ADAMTS12: variants seen among roughly 807,000 people sequenced by gnomAD.
ADAMTS12 encodes the protein ADAM metallopeptidase with thrombospondin type 1 motif 12.
ADAMTS12 carries 118 observed loss-of-function variants against 167.8 expected under a neutral mutation model. The ratio of observed to expected loss-of-function variants is 0.70; its 90% confidence interval spans 0.61 to 0.82. The LOEUF is 0.82. Among genes scored for constraint, ADAMTS12 ranks in the 40% least tolerant of loss-of-function variants. The pLI is 0.00. For synonymous variants in ADAMTS12, 704 were observed against 716.9 expected (o/e 0.98, Z 0.29); for missense variants, 1,916 against 1,998.8 (o/e 0.96, Z 0.79).
At chr5:33,616,140 A>T (rs1739000487) in intron 14 of ADAMTS12, 68 bp from the exon 15 acceptor site, 2 of 1,573,182 alleles carry the variant, frequency 1.3e-6, no homozygotes, top group South Asian at 2.3e-5. Flanking sequence ...TCTGTTTGTG[A>T]CCCACTGTTA....
Position 33,614,429 on chromosome 5 carries a change from C to G in ADAMTS12, c.2389-53G>C. The G allele has an allele frequency of 1.9e-6, 3 of 1,595,390 alleles. No homozygotes were observed. The African/African-American group carries it at 4.0e-5, about 21-fold the overall frequency. On this transcript the variant is annotated intron_variant, in intron 15 of 23. Transcript: ENST00000504830. ...AACTGTCATGACTTTATACCATAAG[C>G]CAGTCATGTAAAAACACCACAAAAT...
chr5:33,789,135 T>C (rs370353359), intron 2 of ADAMTS12, among the ~76,000 whole-genome samples: 22 of 152,226 alleles, frequency 1.4e-4, no homozygotes, highest in African/African-American at 4.8e-4. Context: ...GGAGGTTTCA[T>C]AGGCTGTGGA....
At chr5:33,613,304 T>C (rs1187283793) in intron 16 of ADAMTS12, among the ~76,000 whole-genome samples, 2 of 152,218 alleles carry the variant, frequency 1.3e-5, no homozygotes, top group African/African-American at 2.4e-5. Context: ...AAATGAGTGA[T>C]ATAGCCCCAA....
At chr5:33,722,661 G>A (rs1743845910) in intron 3 of ADAMTS12, among the ~76,000 whole-genome samples, 1 of 152,152 alleles carries the variant, frequency 6.6e-6, no homozygotes, top group African/African-American at 2.4e-5. Context: ...TCTTTAGCTG[G>A]AAGGGTAAAA....
intron 6 of ADAMTS12, among the ~76,000 whole-genome samples, chr5:33,660,278 G>A (rs1440768568): frequency 6.6e-6 from 1 of 152,184 alleles, no homozygotes; most frequent in East Asian, 1.9e-4. Context: ...GGCTGTTGGG[G>A]TCAAACTACC....
intron 2 of ADAMTS12, among the ~76,000 whole-genome samples, chr5:33,771,361 G>A (rs1224645714): frequency 1.3e-5 from 2 of 152,142 alleles, no homozygotes; most frequent in Non-Finnish European, 1.5e-5. Context: ...ATGAATGAGT[G>A]GGTACCAGTT....
intron 3 of ADAMTS12, among the ~76,000 whole-genome samples, chr5:33,726,869 C>T (rs1744000290): frequency 6.6e-6 from 1 of 151,070 alleles, no homozygotes; most frequent in Non-Finnish European, 1.5e-5. Context: ...AAAGTGCCCT[C>T]ACTCTGAAGC....
At chr5:33,558,581 C>T (rs1253712723) in intron 20 of ADAMTS12, among the ~76,000 whole-genome samples, 5 of 152,128 alleles carry the variant, frequency 3.3e-5, no homozygotes, top group Non-Finnish European at 4.4e-5. Flanking sequence ...CTTAGGAGGC[C>T]GGACCCCAGA....
At chr5:33,582,449 G>T (rs908161618) in intron 18 of ADAMTS12, among the ~76,000 whole-genome samples, 1 of 152,122 alleles carries the variant, frequency 6.6e-6, no homozygotes, top group Non-Finnish European at 1.5e-5. Context: ...CTCTTCCCTC[G>T]GGTGGCAGGG....
At position 33,658,292 on chromosome 5, in the gene ADAMTS12, A is replaced by C; in HGVS notation, c.1082T>G (p.Leu361Arg). ...CAGFNRPCET[L>R]GLSHLSGMCQ... The stretch of plus-strand genomic sequence containing the variant: ...CATTCCTGAAAGGTGAGACAGGCCC[A>C]GGGTCTCGCAGGGGCGATTGAAACC... The change falls in exon 7 of 24, where the codon CTG (leucine) becomes CGG (arginine). Residue 361 changes from leucine to arginine, a missense_variant. By Grantham distance (102) the Leu-to-Arg change is moderately radical. Transcript: ENST00000504830. 1.2e-6 allele frequency: 2 copies of C among 1,613,732 alleles called. No individual in the cohort carries two copies. Among genetic ancestry groups the C allele is most frequent in the Non-Finnish European group, 1.7e-6 (2 of 1,179,682 alleles).
At chr5:33,635,236 G>C (rs147629490) in intron 12 of ADAMTS12, among the ~76,000 whole-genome samples, 14 of 152,278 alleles carry the variant, frequency 9.2e-5, no homozygotes, top group African/African-American at 3.4e-4. Flanking sequence ...AATAAACTGA[G>C]CCTTAATCAT....
Position 33,881,472 on chromosome 5 carries a change from T to A in ADAMTS12, c.136A>T (p.Ile46Phe), listed in dbSNP as rs1750442506. 1.2e-6 allele frequency: 2 copies of A among 1,610,900 alleles called. No individual in the cohort carries two copies. Among genetic ancestry groups the A allele is most frequent in the Non-Finnish European group, 1.7e-6 (2 of 1,179,218 alleles). ...ACGTGGTATTCTGGCAGGCCCTTGA[T>A]AAAATGCTCTGAAAGAAAAGGAGAA... ...RFPDRRQEHF[I>F]KGLPEYHVVG... Residue 46 changes from isoleucine to phenylalanine, a missense_variant, in exon 2 of 24, where the codon ATC becomes TTC. Coordinates refer to ENST00000504830, the MANE Select transcript of ADAMTS12 (RefSeq NM_030955.4).
chr5:33,729,706 C>T (rs1744110433), intron 3 of ADAMTS12, among the ~76,000 whole-genome samples: 1 of 152,162 alleles, frequency 6.6e-6, no homozygotes, highest in African/African-American at 2.4e-5. Flanking sequence ...AGAGGCATCA[C>T]CCGATGCCTC....
intron 12 of ADAMTS12, among the ~76,000 whole-genome samples, chr5:33,632,334 A>G (rs1317296482): frequency 6.6e-6 from 1 of 152,108 alleles, no homozygotes; most frequent in Non-Finnish European, 1.5e-5. Flanking sequence ...TAGAACCCCA[A>G]TCCCTACCAT....
intron 16 of ADAMTS12, among the ~76,000 whole-genome samples, chr5:33,609,808 C>T (rs1738635493): frequency 6.6e-6 from 1 of 152,092 alleles, no homozygotes; most frequent in Admixed American, 6.5e-5. Flanking sequence ...TTAACAGTTC[C>T]ATTCATTAAA....
chr5:33,804,621 G>A (rs1747152252), intron 2 of ADAMTS12, among the ~76,000 whole-genome samples: 1 of 152,198 alleles, frequency 6.6e-6, no homozygotes. Flanking sequence ...AGCCTAAGAG[G>A]TCCTGGGAAA....
chr5:33,590,729 G>A (rs1174440824), intron 17 of ADAMTS12, among the ~76,000 whole-genome samples: 1 of 152,158 alleles, frequency 6.6e-6, no homozygotes, highest in Admixed American at 6.5e-5. Flanking sequence ...TCCTGCCGCG[G>A]CCTCGCAAAG....
intron 1 of ADAMTS12, among the ~76,000 whole-genome samples, chr5:33,881,816 C>T (rs777051208): frequency 1.1e-4 from 16 of 151,310 alleles, no homozygotes; most frequent in East Asian, 3.9e-4. Flanking sequence ...TCAGGTGATC[C>T]GCCTGCCCTG....
intron 2 of ADAMTS12, among the ~76,000 whole-genome samples, chr5:33,847,198 G>C (rs1021351877): frequency 6.6e-6 from 1 of 152,016 alleles, no homozygotes; most frequent in African/African-American, 2.4e-5. Context: ...CAGATGTGTA[G>C]ATCTATCTCA....
Sources: allele counts gnomAD v4.1 joint callset (sites outside exome capture counted in the v4.1 genomes callset), GRCh38; gene constraint gnomAD v4.1.1; transcripts MANE v1.5; gene names NCBI Gene and HGNC (gene_info 2026-07-23, HGNC 2026-07-21).